BMPR1A: variants seen among roughly 807,000 people sequenced by gnomAD.
The protein encoded by BMPR1A is bone morphogenetic protein receptor type 1A.
Under a neutral mutation model 66.0 loss-of-function variants are expected in BMPR1A, and 7 were observed. That is an observed-to-expected ratio of 0.11 (90% CI 0.06 to 0.20). The LOEUF is 0.20. BMPR1A is among the 10% of genes least tolerant of loss of function. The probability of loss-of-function intolerance (pLI) is 1.00; values close to 1 mark genes in which losing one functional copy is unlikely to be tolerated. For missense variants in BMPR1A, 408 were observed against 669.1 expected (o/e 0.61, Z 4.31); for synonymous variants, 200 against 229.7 (o/e 0.87, Z 1.17).
At chr10:86,855,812 A>G in intron 2 of BMPR1A, 7 of 1,102,484 alleles carry the variant, frequency 6.3e-6, no homozygotes, top group Non-Finnish European at 7.9e-6. Context: ...TCCTGGTAGA[A>G]TGGAGGAAAC....
At chr10:86,774,472 A>G (rs1841314390) in intron 1 of BMPR1A, among the ~76,000 whole-genome samples, 1 of 152,136 alleles carries the variant, frequency 6.6e-6, no homozygotes, top group South Asian at 2.1e-4. Flanking sequence ...TGTCAGAGAT[A>G]TACTCTTTAA....
chr10:86,923,585 A>G lies in BMPR1A; in HGVS notation c.1474-9A>G, dbSNP rs372031054. On this transcript the variant is annotated splice_polypyrimidine_tract_variant and intron_variant, in intron 12 of 12. Transcript: ENST00000372037. ...TTCTCTGCTCACTGAACATCTCTTT[A>G]CTTTTCAGTGTCTACGAGCAGTTTT... is the stretch of plus-strand genomic sequence containing the variant. 72 of 1,614,096 alleles carry G rather than the reference A, an allele frequency of 4.5e-5. No individual in the cohort carries two copies. The highest frequency in any genetic ancestry group is 5.9e-5 in the Non-Finnish European group (70 of 1,180,058).
chr10:86,806,755 T>C (rs1469783306), intron 1 of BMPR1A, among the ~76,000 whole-genome samples: 1 of 152,060 alleles, frequency 6.6e-6, no homozygotes, highest in Non-Finnish European at 1.5e-5. Context: ...GGTTTCACCA[T>C]GTTGGCCAGG....
Position 86,919,365 on chromosome 10 carries a change from A to G in BMPR1A, c.1062A>G (p.Gly354=). 1 of 1,613,232 alleles carries G rather than the reference A, an allele frequency of 6.2e-7. No individual in the cohort carries two copies. The highest frequency in any genetic ancestry group is 1.1e-5 in the South Asian group (1 of 91,042). Residue 354 remains glycine (G), a synonymous_variant, in exon 10 of 13, where the codon GGA becomes GGG. Transcript: ENST00000372037. ...HLHTEIYGTQ[G]KPAIAHRDLK... ...ACACAGAAATTTATGGCACCCAAGG[A>G]AAGCCCGCAATTGCTCATCGAGACC...
intron 3 of BMPR1A, among the ~76,000 whole-genome samples, chr10:86,888,099 T>C (rs968989440): frequency 6.6e-6 from 1 of 151,390 alleles, no homozygotes; most frequent in Non-Finnish European, 1.5e-5. Flanking sequence ...AGGAGAGTGG[T>C]GTGGGGGGCG....
At chr10:86,932,750 G>A (rs1843823142), downstream of BMPR1A, 1 of 152,222 alleles carries the variant, frequency 6.6e-6, no homozygotes. Context: ...GGGTGCAGAG[G>A]CTGAGAAAAG....
At chr10:86,902,286 A>AT (rs1351245177) in intron 7 of BMPR1A, among the ~76,000 whole-genome samples, 3 of 151,706 alleles carry the variant, frequency 2.0e-5, no homozygotes, top group Non-Finnish European at 4.4e-5. Context: ...AATTGCATAG[A>AT]TTTTTTTCTC....
At chr10:86,888,521 C>T (rs368345902) in intron 3 of BMPR1A, among the ~76,000 whole-genome samples, 96 of 151,968 alleles carry the variant, frequency 6.3e-4, no homozygotes, top group Admixed American at 1.8e-3. Flanking sequence ...ACTAAATATT[C>T]GGTATAAGAA....
At chr10:86,823,510 C>G (rs1039014218) in intron 1 of BMPR1A, among the ~76,000 whole-genome samples, 3 of 152,204 alleles carry the variant, frequency 2.0e-5, no homozygotes, top group African/African-American at 7.2e-5. Context: ...ATGTTCTTCT[C>G]TTTACTTCCT....
At chr10:86,874,405 T>G (rs1179123281) in intron 2 of BMPR1A, among the ~76,000 whole-genome samples, 1 of 151,926 alleles carries the variant, frequency 6.6e-6, no homozygotes. Context: ...TCCCCTCCCC[T>G]CCTCTCCTCT....
downstream of BMPR1A, chr10:86,928,245 G>A (rs113579978): frequency 1.1e-4 from 14 of 127,636 alleles, no homozygotes; most frequent in Admixed American, 9.3e-4. Flanking sequence ...TTTTTGAGAC[G>A]GAGTTTTGCT....
intron 2 of BMPR1A, among the ~76,000 whole-genome samples, chr10:86,839,298 G>GCAGA (rs1336169001): frequency 6.6e-6 from 1 of 152,134 alleles, no homozygotes; most frequent in Non-Finnish European, 1.5e-5. Context: ...AGTTTGCAAA[G>GCAGA]CAGAGTTCAG....
At chr10:86,809,613 C>CCTCTTTTT (rs1564691702) in intron 1 of BMPR1A, among the ~76,000 whole-genome samples, 6 of 106,686 alleles carry the variant, frequency 5.6e-5, no homozygotes, top group African/African-American at 1.4e-4. Flanking sequence ...TTTTTTTTTT[C>CCTCTTTTT]TCTTTTTTCT....
At chr10:86,783,110 A>G (rs1001937774) in intron 1 of BMPR1A, among the ~76,000 whole-genome samples, 2 of 152,132 alleles carry the variant, frequency 1.3e-5, no homozygotes, top group Non-Finnish European at 2.9e-5. Flanking sequence ...TTCCAGCACT[A>G]TTTGTTGAAG....
Position 86,782,089 on chromosome 10 carries a change from C to G in BMPR1A, c.-268+25170C>G, listed in dbSNP as rs147408624. On this transcript the variant is annotated intron_variant, in intron 1 of 12. Coordinates refer to ENST00000372037, the MANE Select transcript of BMPR1A (RefSeq NM_004329.3). ...CGTTGGTCAGCCTGGTCTTGAACTC[C>G]TGACCTCAGGTGATCCTCCCGCCTC... is the stretch of plus-strand genomic sequence containing the variant. Among the ~76,000 whole-genome samples the G allele has an allele frequency of 3.0e-4, 46 of 152,030 alleles. 1 individual carries two copies. Among genetic ancestry groups the G allele is most frequent in the African/African-American group, 1.0e-3 (42 of 41,468 alleles).
In BMPR1A at chr10:86,790,179, AAAAAAAAAAATATATATATATATATATAT is replaced by A. The variant is rs1841584756; in HGVS notation, c.-268+33262_-268+33290del. The stretch of plus-strand genomic sequence containing the variant: ...TCTGTCTCCAAAAAAAAAAAAAAAA[AAAAAAAAAAATATATATATATATATATAT>A]ATATATATATATATATATATATATA... On this transcript the variant is annotated intron_variant, in intron 1 of 12. Transcript: ENST00000372037. Among the ~76,000 whole-genome samples the A allele has an allele frequency of 4.7e-5, 2 of 42,982 alleles. 1 individual carries two copies. The highest frequency in any genetic ancestry group is 1.1e-3 in the East Asian group (2 of 1,828). 28.2% of individuals were successfully genotyped at this position (42,982 alleles called of 152,430 possible).
intron 1 of BMPR1A, among the ~76,000 whole-genome samples, chr10:86,835,546 T>A (rs1350793698): frequency 8.0e-5 from 2 of 24,908 alleles, no homozygotes; most frequent in Admixed American, 6.5e-4. Context: ...CAAGACTCTG[T>A]ATCAAAAAAA....
intron 5 of BMPR1A, among the ~76,000 whole-genome samples, chr10:86,895,542 A>C (rs1289514098): frequency 6.6e-6 from 1 of 152,168 alleles, no homozygotes; most frequent in South Asian, 2.1e-4. Context: ...CCATCCAAAA[A>C]AAAAAAAATT....
chr10:86,864,762 G>T (rs1271805009), intron 2 of BMPR1A, among the ~76,000 whole-genome samples: 1 of 151,864 alleles, frequency 6.6e-6, no homozygotes, highest in Non-Finnish European at 1.5e-5. Context: ...TCTTTTATTG[G>T]GACCTTGTAG....
Sources: gnomAD v4.1 joint callset for allele counts (sites outside exome capture counted in the v4.1 genomes callset) on GRCh38, gnomAD v4.1.1 for gene constraint, MANE v1.5 for transcripts, NCBI Gene and HGNC (gene_info 2026-07-23, HGNC 2026-07-21) for gene names.